The following LRRC57 variants were observed in gnomAD, a reference collection of about 807,000 sequenced individuals.
LRRC57 encodes leucine rich repeat containing 57, also known as leucine-rich repeat-containing protein 57.
LRRC57 carries 14 observed loss-of-function variants against 23.1 expected under a neutral mutation model. The observed-to-expected ratio is 0.61, with a 90% CI of 0.40 to 0.95. The LOEUF (loss-of-function observed/expected upper bound fraction) is 0.95. LRRC57 is among the 40% of genes least tolerant of loss of function. The pLI is 0.00. For missense variants in LRRC57, 236 were observed against 284.4 expected, an observed-to-expected ratio of 0.83 and a Z score of 1.22; for synonymous variants, 106 against 115.2, an observed-to-expected ratio of 0.92 and a Z score of 0.51.
Position 42,538,181 on chromosome 15 carries a change from A to C in LRRC57, c.*5902T>G, listed in dbSNP as rs961949084. ...CCATAAATATGAACAAATATATATC[A>C]GAAAAATAGTAAAGTGAAAAAGGAA... On this transcript the variant is annotated 3_prime_UTR_variant, in exon 6 of 6. Transcript: ENST00000397130. 6.6e-6 allele frequency: 1 copy of C among 152,218 alleles called. No homozygotes were observed. Among genetic ancestry groups the C allele is most frequent in the Non-Finnish European group, 1.5e-5 (1 of 68,034 alleles). 9.4% of individuals were successfully genotyped at this position (152,218 alleles called of 1,614,324 possible).
intron 5 of LRRC57, among the ~76,000 whole-genome samples, chr15:42,544,390 A>G (rs1247726562): frequency 6.6e-6 from 1 of 152,078 alleles, no homozygotes; most frequent in Non-Finnish European, 1.5e-5. Context: ...TACCAAAAAT[A>G]GAAAAATGAG....
At chr15:42,529,878 G>C in the LRRC57 span, 3 of 1,569,766 alleles carry the variant, frequency 1.9e-6, no homozygotes, top group Non-Finnish European at 2.6e-6. Context: ...TTCAGTAATA[G>C]ACATCTGTGC....
At chr15:42,544,840 C>CTAT (rs1167773259) in intron 5 of LRRC57, among the ~76,000 whole-genome samples, 8 of 108,934 alleles carry the variant, frequency 7.3e-5, no homozygotes, top group African/African-American at 4.0e-4. Flanking sequence ...CACACACACA[C>CTAT]ACTATATATA....
chr15:42,529,501 T>C, the LRRC57 span, among the ~76,000 whole-genome samples: 5 of 152,230 alleles, frequency 3.3e-5, no homozygotes, highest in Non-Finnish European at 7.3e-5. Flanking sequence ...TGTGCTCTCT[T>C]TGATGAGTCT....
chr15:42,547,451 G>A lies in LRRC57; in HGVS notation c.302C>T (p.Pro101Leu), dbSNP rs375984764. The change falls in exon 4 of 6, where the codon CCG becomes CTG. Residue 101 changes from proline to leucine, a missense_variant. Coordinates refer to ENST00000397130, the MANE Select transcript of LRRC57 (RefSeq NM_153260.3). ...SLNNNHLREL[P>L]STFGQLSALK... ...GGCAGAGAGTTGCCCAAAGGTAGACGGCAGCTCTCTAAGGTGATTGTTGTT... is the reference window on the plus strand; with the variant it reads ...GGCAGAGAGTTGCCCAAAGGTAGACAGCAGCTCTCTAAGGTGATTGTTGTT... 3 of 1,614,126 alleles carry A rather than the reference G, an allele frequency of 1.9e-6. No individual in the cohort carries two copies. The highest frequency in any genetic ancestry group is 2.5e-6 in the Non-Finnish European group (3 of 1,179,994).
Position 42,548,102 on chromosome 15 carries a change from A to G in LRRC57, c.223+4T>C. The G allele has an allele frequency of 3.1e-6, 5 of 1,614,222 alleles. No individual in the cohort carries two copies. The highest frequency in any genetic ancestry group is 4.2e-6 in the Non-Finnish European group (5 of 1,180,022). On this transcript the variant is annotated splice_donor_region_variant and intron_variant, in intron 3 of 5. Transcript: ENST00000397130. ...AGCAAAAGCCTCCCTGGCGAGAGCC[A>G]TACTCAGTTTGTTGTTGTTCAGGGA... is the stretch of plus-strand genomic sequence containing the variant.
In LRRC57 at chr15:42,538,831, G is replaced by A. The variant is rs1333434021; in HGVS notation, c.*5252C>T. The A allele has an allele frequency of 2.6e-5, 4 of 152,144 alleles. No individual in the cohort carries two copies. The highest frequency in any genetic ancestry group is 5.9e-5 in the Non-Finnish European group (4 of 68,028). 9.4% of individuals were successfully genotyped at this position (152,144 alleles called of 1,614,324 possible). ...TCTGTATTCAAACCTGGATCTTTCT[G>A]ACTCCAGGGCCCATAATTTTAATAT... On this transcript the variant is annotated 3_prime_UTR_variant, in exon 6 of 6. Transcript: ENST00000397130.
chr15:42,548,474 T>C lies in LRRC57; in HGVS notation c.-22-18A>G, dbSNP rs1595541409. 2 of 1,603,270 alleles carry C rather than the reference T, an allele frequency of 1.2e-6. No individual in the cohort carries two copies. The highest frequency in any genetic ancestry group is 4.5e-5 in the East Asian group (2 of 44,676). On this transcript the variant is annotated intron_variant, in intron 1 of 5. Transcript: ENST00000397130. ...TCAGGTCCCTGCGGGAAGGAAGCGC[T>C]GCTGTCACCGCCCAGTCCACCCGGT... is the stretch of plus-strand genomic sequence containing the variant.
intron 2 of LRRC57, 51 bp downstream of exon 2, chr15:42,548,300 C>A: frequency 6.2e-7 from 1 of 1,613,806 alleles, no homozygotes; most frequent in Non-Finnish European, 8.5e-7. Flanking sequence ...TTCGCCGCCC[C>A]CGCCGTCCCT....
chr15:42,530,151 G>A, the LRRC57 span, among the ~76,000 whole-genome samples: 1 of 152,086 alleles, frequency 6.6e-6, no homozygotes, highest in Admixed American at 6.6e-5. Flanking sequence ...ATTGAGAATG[G>A]GGTCTTGCTC....
chr15:42,529,966 C>A, the LRRC57 span: 1 of 836,172 alleles, frequency 1.2e-6, no homozygotes. Context: ...GGTTCTAACA[C>A]ATAAAACAAG....
intron 4 of LRRC57, 56 bp from the exon 5 acceptor site, chr15:42,545,318 CT>C: frequency 8.1e-7 from 1 of 1,233,762 alleles, no homozygotes; most frequent in Non-Finnish European, 1.1e-6. Context: ...ATACTGGTTA[CT>C]TTTAGTACAT....
rs1189014366 is a variant in LRRC57 at position 42,540,399 on chromosome 15, A to C, written c.*3684T>G. On this transcript the variant is annotated 3_prime_UTR_variant, in exon 6 of 6. Coordinates refer to ENST00000397130, the MANE Select transcript of LRRC57 (RefSeq NM_153260.3). ...TGCAAATGAAGTTATGTGTAGGCAT[A>C]TTAGGTATTATAAGTAATCTAGAGA... 6.6e-6 allele frequency: 1 copy of C among 152,180 alleles called. No individual in the cohort carries two copies. Among genetic ancestry groups the C allele is most frequent in the Non-Finnish European group, 1.5e-5 (1 of 68,030 alleles). 9.4% of individuals were successfully genotyped at this position (152,180 alleles called of 1,614,324 possible). A position where few individuals can be genotyped will look rare whatever the true frequency, so the allele number is the denominator to read the frequency against.
At position 42,539,880 on chromosome 15, in the gene LRRC57, A is replaced by G. The variant is rs1164894474; in HGVS notation, c.*4203T>C. 2 of 152,166 alleles carry G rather than the reference A, an allele frequency of 1.3e-5. No homozygotes were observed. The highest frequency in any genetic ancestry group is 2.9e-5 in the Non-Finnish European group (2 of 68,034). The allele number at this position is 152,166 out of a possible 1,614,324, so 9.4% of individuals were successfully genotyped here. On this transcript the variant is annotated 3_prime_UTR_variant, in exon 6 of 6. Transcript: ENST00000397130. Reference sequence around the variant, plus strand: ...TTAGACGCAGGAAAGAGGCTTAGACATACAGAATGAGCATATTAATTAAGA... The same window carrying G: ...TTAGACGCAGGAAAGAGGCTTAGACGTACAGAATGAGCATATTAATTAAGA...
chr15:42,543,853 T>TA lies in LRRC57; in HGVS notation c.*229dup, dbSNP rs2057643137. On this transcript the variant is annotated 3_prime_UTR_variant, in exon 6 of 6. Transcript: ENST00000397130. ...TTGAAGAGAACCTTGTCTATTGCCC[T>TA]ACTCATGACTCAAAACGGAAGACTT... is the stretch of plus-strand genomic sequence containing the variant. The TA allele has an allele frequency of 4.8e-6, 2 of 420,364 alleles. No homozygotes were observed. The highest frequency in any genetic ancestry group is 3.8e-5 in the Admixed American group (1 of 26,646). The allele number at this position is 420,364 out of a possible 1,614,324, so 26.0% of individuals were successfully genotyped here. A position where few individuals can be genotyped will look rare whatever the true frequency, so the allele number is the denominator to read the frequency against.
At chr15:42,534,234 G>A (rs779497810), downstream of LRRC57, among the ~76,000 whole-genome samples, 6 of 152,134 alleles carry the variant, frequency 3.9e-5, no homozygotes, top group Non-Finnish European at 8.8e-5. Context: ...GGGTTCAAGC[G>A]ATTCTCCTGC....
intron 2 of LRRC57, 38 bp from the exon 3 acceptor site, chr15:42,548,282 C>T: frequency 6.2e-7 from 1 of 1,613,832 alleles, no homozygotes; most frequent in Admixed American, 1.7e-5. Flanking sequence ...AATCCCGCAC[C>T]GACTAAGTTC....
At chr15:42,529,306 A>C in the LRRC57 span, among the ~76,000 whole-genome samples, 15 of 152,174 alleles carry the variant, frequency 9.9e-5, no homozygotes, top group African/African-American at 3.4e-4. Context: ...CATTAGAACC[A>C]CTTGAGGGGC....
downstream of LRRC57, among the ~76,000 whole-genome samples, chr15:42,537,144 T>C (rs530955717): frequency 1.3e-5 from 2 of 152,114 alleles, no homozygotes; most frequent in Admixed American, 1.3e-4. Context: ...CTTGGGAGGC[T>C]GAGGCGGGAG....
Sources: gnomAD v4.1 joint callset for allele counts (sites outside exome capture counted in the v4.1 genomes callset) on GRCh38, gnomAD v4.1.1 for gene constraint, MANE v1.5 for transcripts, NCBI Gene and HGNC (gene_info 2026-07-23, HGNC 2026-07-21) for gene names.